LRP1B: variants seen among roughly 807,000 people sequenced by gnomAD.
LRP1B encodes LDL receptor related protein 1B.
In LRP1B, 217 loss-of-function variants were observed where a neutral mutation model predicts 556.6. The ratio of observed to expected loss-of-function variants is 0.39; its 90% CI spans 0.35 to 0.44. LRP1B has a LOEUF of 0.44. LRP1B is among the 20% of genes least tolerant of loss of function. LRP1B has a pLI of 1.00. For synonymous variants in LRP1B, 2,047 were observed against 1,865.8 expected, an observed-to-expected ratio of 1.10 and a Z score of -2.50; for missense variants, 5,053 against 5,620.8, an observed-to-expected ratio of 0.90 and a Z score of 3.23.
At chr2:141,032,487 A>G (rs1439282694) in intron 11 of LRP1B, among the ~76,000 whole-genome samples, 1 of 152,036 alleles carries the variant, frequency 6.6e-6, no homozygotes, top group Non-Finnish European at 1.5e-5. Context: ...CTTATGTTCT[A>G]ATATTACATA....
chr2:140,941,283 A>G (rs576289125), intron 20 of LRP1B, among the ~76,000 whole-genome samples: 1 of 152,302 alleles, frequency 6.6e-6, no homozygotes, highest in South Asian at 2.1e-4. Flanking sequence ...GACTAGACCC[A>G]GCCAAGATAC....
intron 2 of LRP1B, among the ~76,000 whole-genome samples, chr2:141,543,762 A>G (rs1685356772): frequency 6.6e-6 from 1 of 152,004 alleles, no homozygotes; most frequent in Admixed American, 6.6e-5. Context: ...TACACAGATA[A>G]ACAAAAACTT....
rs949775657 is a variant in LRP1B, at chr2:140,232,967, G to A, written c.*219C>T. The A allele has an allele frequency of 2.8e-6, 1 of 357,360 alleles. No individual in the cohort carries two copies. Among genetic ancestry groups the A allele is most frequent in the Non-Finnish European group, 5.0e-6 (1 of 199,936 alleles). 22.1% of individuals were successfully genotyped at this position (357,360 alleles called of 1,614,324 possible). On this transcript the variant is annotated 3_prime_UTR_variant, in exon 91 of 91. Coordinates refer to ENST00000389484, the MANE Select transcript of LRP1B (RefSeq NM_018557.3). ...CATATCAGCAGCATTGTTGTAAATT[G>A]TACTGTAGTGCAGTTCTTTTTCATA...
intron 35 of LRP1B, among the ~76,000 whole-genome samples, chr2:140,740,034 G>A (rs1006506443): frequency 4.6e-5 from 7 of 152,146 alleles, no homozygotes; most frequent in Non-Finnish European, 8.8e-5. Flanking sequence ...AGTTGTTGGC[G>A]TGGATGCAGT....
rs1220644581 is a variant in LRP1B, at chr2:140,583,162, C to CTTTTTT, written c.7194+15463_7194+15468dup. Among the ~76,000 whole-genome samples, 22 of 107,808 alleles carry CTTTTTT rather than the reference C, an allele frequency of 2.0e-4. 2 individuals carry two copies. The highest frequency in any genetic ancestry group is 4.9e-4 in the African/African-American group (12 of 24,692). The allele number at this position is 107,808 out of a possible 152,430, so 70.7% of individuals were successfully genotyped here. On this transcript the variant is annotated intron_variant, in intron 43 of 90. Transcript: ENST00000389484. ...TGAAAGTTTCTATTGACAGTTTCTCCTTTTTTTTCTTTTTTTTTTTTTTTT... is the reference window on the plus strand; with the variant it reads ...TGAAAGTTTCTATTGACAGTTTCTCCTTTTTTTTTTTTTTCTTTTTTTTTTTTTTTT...
intron 2 of LRP1B, among the ~76,000 whole-genome samples, chr2:141,782,172 A>G (rs1695276361): frequency 6.6e-6 from 1 of 152,144 alleles, no homozygotes; most frequent in African/African-American, 2.4e-5. Flanking sequence ...TTCTTTACCA[A>G]CATGATGTAC....
At chr2:140,745,266 G>T (rs767350737) in intron 35 of LRP1B, among the ~76,000 whole-genome samples, 32 of 152,064 alleles carry the variant, frequency 2.1e-4, no homozygotes, top group Non-Finnish European at 4.3e-4. Flanking sequence ...TCAGTAAGTT[G>T]AAGGTAAACC....
rs1232825678 is a variant in LRP1B, at chr2:141,517,283, C to CAT, written c.206-36751_206-36750insAT. On this transcript the variant is annotated intron_variant, in intron 2 of 90. Transcript: ENST00000389484. Reference sequence around the variant, plus strand: ...ATACGCACACACACAGACACACACACACACACCTTAAAATGGTGTTGAGAA... The same window carrying CAT: ...ATACGCACACACACAGACACACACACATACACACCTTAAAATGGTGTTGAGAA... Among the ~76,000 whole-genome samples the CAT allele has an allele frequency of 4.8e-5, 7 of 147,194 alleles. No individual in the cohort carries two copies. In the South Asian group the frequency reaches 6.4e-4, roughly 13 times the overall value.
intron 60 of LRP1B, among the ~76,000 whole-genome samples, chr2:140,467,481 A>G (rs1043572097): frequency 1.3e-5 from 2 of 151,712 alleles, no homozygotes; most frequent in Admixed American, 1.3e-4. Context: ...GCCTGGTGGC[A>G]GGTGCCTGTT....
Position 140,770,996 on chromosome 2 carries a change from G to T in LRP1B, c.5511C>A (p.Ser1837=). 1 of 1,571,816 alleles carries T rather than the reference G, an allele frequency of 6.4e-7. No homozygotes were observed. The highest frequency in any genetic ancestry group is 8.6e-7 in the Non-Finnish European group (1 of 1,165,098). The change falls in exon 34 of 91, where the codon TCC becomes TCA. Residue 1837 remains serine, a synonymous_variant. Coordinates refer to ENST00000389484, the MANE Select transcript of LRP1B (RefSeq NM_018557.3). ...AGCATCCACCATTGTTTAGTTGGCA[G>T]GAATTGCTGCCTGCATAGAATGAAA... The part of the protein sequence containing the change: ...YDKEAQQGSN[S]CQLNNGGCSQ...
chr2:141,328,668 C>G (rs1338650704), intron 3 of LRP1B, among the ~76,000 whole-genome samples: 2 of 152,196 alleles, frequency 1.3e-5, no homozygotes, highest in Non-Finnish European at 2.9e-5. Flanking sequence ...CACTCAGTTA[C>G]TGTTCTGGGA....
intron 86 of LRP1B, among the ~76,000 whole-genome samples, chr2:140,248,999 T>C (rs995259103): frequency 1.3e-5 from 2 of 150,934 alleles, no homozygotes; most frequent in South Asian, 2.1e-4. Flanking sequence ...TTTTGAATTA[T>C]TGATTAAAAT....
intron 3 of LRP1B, among the ~76,000 whole-genome samples, chr2:141,448,580 G>T (rs150750486): frequency 3.9e-5 from 6 of 152,140 alleles, no homozygotes; most frequent in Non-Finnish European, 7.4e-5. Flanking sequence ...TGGCAAAAGC[G>T]TAGTATCTGG....
intron 2 of LRP1B, among the ~76,000 whole-genome samples, chr2:141,549,299 G>A (rs1685666963): frequency 6.6e-6 from 1 of 152,082 alleles, no homozygotes; most frequent in African/African-American, 2.4e-5. Flanking sequence ...TGCACATAAG[G>A]CCTTTAGGAT....
chr2:140,635,548 T>C (rs1684042101), intron 41 of LRP1B, among the ~76,000 whole-genome samples: 1 of 152,044 alleles, frequency 6.6e-6, no homozygotes, highest in African/African-American at 2.4e-5. Flanking sequence ...GTAATGACTT[T>C]GGAGCTGAGG....
chr2:141,627,542 A>T (rs1194722234), intron 2 of LRP1B, among the ~76,000 whole-genome samples: 1 of 152,192 alleles, frequency 6.6e-6, no homozygotes, highest in Admixed American at 6.5e-5. Context: ...CAGCTGCTGC[A>T]TTAGATTCTC....
At chr2:140,482,593 T>C (rs924764737) in intron 59 of LRP1B, among the ~76,000 whole-genome samples, 1 of 152,136 alleles carries the variant, frequency 6.6e-6, no homozygotes, top group Non-Finnish European at 1.5e-5. Flanking sequence ...AGGATTTCAA[T>C]TGGATTTAAA....
At chr2:141,380,074 G>C (rs774216728) in intron 3 of LRP1B, among the ~76,000 whole-genome samples, 15 of 152,130 alleles carry the variant, frequency 9.9e-5, no homozygotes, top group Non-Finnish European at 1.8e-4. Context: ...TCGTGCTACT[G>C]TTTGAGGGTC....
intron 71 of LRP1B, among the ~76,000 whole-genome samples, chr2:140,365,000 C>T (rs1488406673): frequency 6.6e-6 from 1 of 151,266 alleles, no homozygotes; most frequent in Non-Finnish European, 1.5e-5. Context: ...TAATATTACT[C>T]TCATATATGT....
Sources: allele counts gnomAD v4.1 joint callset (sites outside exome capture counted in the v4.1 genomes callset), GRCh38; gene constraint gnomAD v4.1.1; transcripts MANE v1.5; gene names NCBI Gene and HGNC (gene_info 2026-07-23, HGNC 2026-07-21).